Variants in EFCAB11 observed in about 807,000 individuals in gnomAD.
The protein encoded by EFCAB11 is EF-hand calcium-binding domain-containing protein 11.
EFCAB11 carries 14 observed loss-of-function variants against 23.0 expected under a neutral mutation model. The observed-to-expected ratio is 0.61, with a 90% confidence interval of 0.40 to 0.95. EFCAB11 has a LOEUF of 0.95. Among genes scored for constraint, EFCAB11 ranks in the 40% least tolerant of loss-of-function variants. The probability of loss-of-function intolerance (pLI) is 0.00; values close to 1 mark genes in which losing one functional copy is unlikely to be tolerated. For missense variants in EFCAB11, 198 were observed against 195.8 expected (o/e 1.01, Z -0.07); for synonymous variants, 65 against 66.6 (o/e 0.98, Z 0.11).
intron 5 of EFCAB11, among the ~76,000 whole-genome samples, chr14:89,876,771 G>C (rs1448487389): frequency 6.6e-6 from 1 of 152,172 alleles, no homozygotes; most frequent in Non-Finnish European, 1.5e-5. Flanking sequence ...TTGCCTGCAG[G>C]ACATGTCTTG....
At chr14:89,882,781 C>A (rs2140177682) in intron 5 of EFCAB11, among the ~76,000 whole-genome samples, 1 of 152,230 alleles carries the variant, frequency 6.6e-6, no homozygotes, top group Middle Eastern at 3.4e-3. Context: ...ACAGCTACCG[C>A]TATGGTTTGG....
chr14:89,824,618 A>C (rs1385794873), intron 5 of EFCAB11, among the ~76,000 whole-genome samples: 2 of 152,118 alleles, frequency 1.3e-5, no homozygotes, highest in African/African-American at 4.8e-5. Context: ...AGCAGACTCA[A>C]CTGTATGCTG....
At position 89,898,212 on chromosome 14, in the gene EFCAB11, A is replaced by T. The variant is rs1596441043; in HGVS notation, c.410+33329T>A. Among the ~76,000 whole-genome samples the T allele has an allele frequency of 2.0e-5, 3 of 152,298 alleles. No individual in the cohort carries two copies. The Middle Eastern group carries it at 0.01, about 518-fold the overall frequency. The stretch of plus-strand genomic sequence containing the variant: ...CAAGGTGTGAGGCCTTGCATGGGTC[A>T]TTTATCCTCGCATGTGTAAAATAAG... On this transcript the variant is annotated intron_variant, in intron 5 of 5. Transcript: ENST00000316738.
At chr14:89,919,555 T>C (rs1297767293) in intron 5 of EFCAB11, among the ~76,000 whole-genome samples, 1 of 152,170 alleles carries the variant, frequency 6.6e-6, no homozygotes, top group Admixed American at 6.5e-5. Flanking sequence ...CCAGGATTCA[T>C]GTCTAGCCAC....
Position 89,922,350 on chromosome 14 carries a change from G to A in EFCAB11, c.410+9191C>T, listed in dbSNP as rs112407637. Among the ~76,000 whole-genome samples the A allele has an allele frequency of 2.1e-3, 326 of 152,322 alleles. 1 individual carries two copies. The highest frequency in any genetic ancestry group is 7.5e-3 in the African/African-American group (310 of 41,574). On this transcript the variant is annotated intron_variant, in intron 5 of 5. Transcript: ENST00000316738. ...GGATTCTGAATAATATCTGTGGTATGCAGGGAAAATAAAGGAGACGGCCAT... is the reference window on the plus strand; with the variant it reads ...GGATTCTGAATAATATCTGTGGTATACAGGGAAAATAAAGGAGACGGCCAT...
intron 3 of EFCAB11, 32 bp downstream of exon 3, chr14:89,950,065 G>A: frequency 6.6e-7 from 1 of 1,509,608 alleles, no homozygotes; most frequent in Non-Finnish European, 9.0e-7. Context: ...TCTAAATAAG[G>A]TACTAAAAAT....
Position 89,904,867 on chromosome 14 carries a change from T to C in EFCAB11, c.410+26674A>G, listed in dbSNP as rs112150958. On this transcript the variant is annotated intron_variant, in intron 5 of 5. Transcript: ENST00000316738. ...CTTTAAGTTCTTTGTAGATTCTGGA[T>C]ATTAGCCCTTTGTCAGATGGGTAGA... is the stretch of plus-strand genomic sequence containing the variant. Among the ~76,000 whole-genome samples the C allele has an allele frequency of 2.5e-3, 375 of 152,360 alleles. 2 individuals carry two copies. The highest frequency in any genetic ancestry group is 8.7e-3 in the African/African-American group (363 of 41,588).
chr14:89,924,428 A>T (rs1596457215), intron 5 of EFCAB11: 2 of 1,341,084 alleles, frequency 1.5e-6, no homozygotes, highest in Non-Finnish European at 1.9e-6. Context: ...TTCACATTTC[A>T]TCTCATGACT....
intron 5 of EFCAB11, among the ~76,000 whole-genome samples, chr14:89,926,969 AAT>A (rs1890214417): frequency 6.6e-6 from 1 of 152,244 alleles, no homozygotes; most frequent in Non-Finnish European, 1.5e-5. Context: ...GAACCCTAAT[AAT>A]ATGTTTTCTA....
intron 5 of EFCAB11, among the ~76,000 whole-genome samples, chr14:89,845,168 A>C (rs1293560184): frequency 1.3e-5 from 2 of 152,204 alleles, no homozygotes; most frequent in Non-Finnish European, 2.9e-5. Context: ...AACATATTAC[A>C]GTTTTTAAAA....
At chr14:89,837,758 A>G (rs1887131607) in intron 5 of EFCAB11, among the ~76,000 whole-genome samples, 1 of 152,174 alleles carries the variant, frequency 6.6e-6, no homozygotes, top group African/African-American at 2.4e-5. Flanking sequence ...GCAGGTGCTG[A>G]AAAGACATGG....
At chr14:89,929,056 TA>T (rs751540675) in intron 5 of EFCAB11, among the ~76,000 whole-genome samples, 4 of 112,532 alleles carry the variant, frequency 3.6e-5, no homozygotes, top group Non-Finnish European at 5.5e-5. Context: ...CACACACACA[TA>T]TTTTTTTTTA....
At chr14:89,870,689 T>C (rs1888238797) in intron 5 of EFCAB11, among the ~76,000 whole-genome samples, 1 of 151,388 alleles carries the variant, frequency 6.6e-6, no homozygotes, top group South Asian at 2.1e-4. Context: ...CCCAGCACTT[T>C]GGAAGGCTGA....
At chr14:89,825,774 G>C (rs1447413033) in intron 5 of EFCAB11, among the ~76,000 whole-genome samples, 3 of 152,138 alleles carry the variant, frequency 2.0e-5, no homozygotes, top group African/African-American at 7.2e-5. Flanking sequence ...GAGAGCGAGT[G>C]CAAGTGTGAG....
chr14:89,917,081 T>TGA (rs1889872044), intron 5 of EFCAB11, among the ~76,000 whole-genome samples: 1 of 136,020 alleles, frequency 7.4e-6, no homozygotes, highest in Non-Finnish European at 1.5e-5. Context: ...TGTGTGTGTG[T>TGA]GTGTGTGTGT....
In EFCAB11 at chr14:89,845,832, G is replaced by A. The variant is rs1887415295; in HGVS notation, c.411-48508C>T. On this transcript the variant is annotated intron_variant, in intron 5 of 5. Transcript: ENST00000316738. ...TCGGGAGTACTGGGTCGAGTGGTGC[G>A]TCTCTGGACAGGGGCCCCAGGGTGG... Among the ~76,000 whole-genome samples the A allele has an allele frequency of 3.3e-5, 5 of 152,170 alleles. No homozygotes were observed. The South Asian group carries it at 8.3e-4, about 25-fold the overall frequency.
chr14:89,934,092 C>T (rs953485874), intron 3 of EFCAB11, among the ~76,000 whole-genome samples: 1 of 152,160 alleles, frequency 6.6e-6, no homozygotes, highest in African/African-American at 2.4e-5. Context: ...CCAAAACTCA[C>T]AGGCTCTTGT....
At chr14:89,881,465 A>ATATATATATATATATATATATATATATT in intron 5 of EFCAB11, among the ~76,000 whole-genome samples, 1 of 125,370 alleles carries the variant, frequency 8.0e-6, no homozygotes, top group Non-Finnish European at 1.7e-5. Context: ...ATATATATAT[A>ATATATATATATATATATATATATATATT]TTCTTTTTTT....
chr14:89,912,711 T>G, intron 5 of EFCAB11, among the ~76,000 whole-genome samples: 1 of 152,324 alleles, frequency 6.6e-6, no homozygotes. Flanking sequence ...CTTGTGTGCA[T>G]GATTAATTGT....
Sources: gnomAD v4.1 joint callset for allele counts (sites outside exome capture counted in the v4.1 genomes callset) on GRCh38, gnomAD v4.1.1 for gene constraint, MANE v1.5 for transcripts, NCBI Gene and HGNC (gene_info 2026-07-23, HGNC 2026-07-21) for gene names.